EIF2AK3: variants seen among roughly 807,000 people sequenced by gnomAD.
EIF2AK3 encodes eukaryotic translation initiation factor 2 alpha kinase 3.
Under a neutral mutation model 113.5 loss-of-function variants are expected in EIF2AK3, and 50 were observed. That is an observed-to-expected ratio of 0.44 (90% CI 0.35 to 0.56). The LOEUF is 0.56. Ranked by LOEUF, EIF2AK3 falls within the 20% of genes least tolerant of loss-of-function variation. The pLI is 0.00. For synonymous variants in EIF2AK3, 448 were observed against 495.4 expected, an observed-to-expected ratio of 0.90 and a Z score of 1.27; for missense variants, 1,185 against 1,378.0, an observed-to-expected ratio of 0.86 and a Z score of 2.22.
intron 14 of EIF2AK3, among the ~76,000 whole-genome samples, chr2:88,565,826 C>T (rs946890311): frequency 3.3e-5 from 5 of 151,482 alleles, no homozygotes; most frequent in Non-Finnish European, 7.4e-5. Context: ...ATATTTCATA[C>T]AGTTTTAATT....
intron 9 of EIF2AK3, 103 bp from the exon 10 acceptor site, chr2:88,583,645 G>T: frequency 1.2e-6 from 1 of 822,314 alleles, no homozygotes; most frequent in Non-Finnish European, 2.0e-6. Context: ...TACATAAGTA[G>T]CATCAAGAAA....
At chr2:88,619,565 T>C (rs774329913) in intron 1 of EIF2AK3, among the ~76,000 whole-genome samples, 4 of 152,212 alleles carry the variant, frequency 2.6e-5, no homozygotes, top group African/African-American at 4.8e-5. Context: ...TCCTATTACC[T>C]AACATTTAAA....
At chr2:88,587,374 A>C (rs1435716087) in intron 8 of EIF2AK3, among the ~76,000 whole-genome samples, 1 of 152,084 alleles carries the variant, frequency 6.6e-6, no homozygotes, top group Non-Finnish European at 1.5e-5. Flanking sequence ...CTTCTTAATT[A>C]CACAACTGTT....
Position 88,579,564 on chromosome 2 carries a change from C to CT in EIF2AK3, c.1839dup (p.Val614SerfsTer3). On this transcript the variant is annotated frameshift_variant, in exon 11 of 17. Coordinates refer to ENST00000303236, the MANE Select transcript of EIF2AK3 (RefSeq NM_004836.7). LOFTEE classifies it high-confidence loss of function. ...TTGATAGCATAATTGCAGTCATCTACTTTGTTTTTAGCTTCAAAAACAACT... is the reference window on the plus strand; with the variant it reads ...TTGATAGCATAATTGCAGTCATCTACTTTTGTTTTTAGCTTCAAAAACAACT... 1 of 1,613,842 alleles carries CT rather than the reference C, an allele frequency of 6.2e-7. No homozygotes were observed. Among genetic ancestry groups the CT allele is most frequent in the Non-Finnish European group, 8.5e-7 (1 of 1,179,834 alleles).
intron 16 of EIF2AK3, 71 bp from the exon 17 acceptor site, chr2:88,558,007 C>T (rs1317811244): frequency 2.1e-6 from 3 of 1,450,050 alleles, no homozygotes; most frequent in Non-Finnish European, 2.9e-6. Flanking sequence ...AAAATCAGTG[C>T]TGGCAAAATA....
At chr2:88,597,857 A>C (rs1252254638) in intron 2 of EIF2AK3, among the ~76,000 whole-genome samples, 1 of 152,192 alleles carries the variant, frequency 6.6e-6, no homozygotes, top group Non-Finnish European at 1.5e-5. Context: ...AATACTTACC[A>C]GGTCAGCTAA....
chr2:88,589,787 G>A lies in EIF2AK3; in HGVS notation c.1165+656C>T, dbSNP rs1209928417. Among the ~76,000 whole-genome samples, 10 of 151,990 alleles carry A rather than the reference G, an allele frequency of 6.6e-5. No individual in the cohort carries two copies. In the East Asian group the frequency reaches 1.7e-3, roughly 26 times the overall value. ...TAGGCTCTAACTCCTGGGGTCAAGC[G>A]ATCCTCCCATCTCAGCCTCTGGAGT... On this transcript the variant is annotated intron_variant, in intron 6 of 16. Coordinates refer to ENST00000303236, the MANE Select transcript of EIF2AK3 (RefSeq NM_004836.7).
At position 88,579,451 on chromosome 2, in the gene EIF2AK3, A is replaced by G. The variant is rs186898538; in HGVS notation, c.1886+67T>C. 233 of 1,594,400 alleles carry G rather than the reference A, an allele frequency of 1.5e-4. 1 individual carries two copies. The African/African-American group carries it at 2.8e-3, about 19-fold the overall frequency. ...GTGTTTACAGAGTACAGTAAGAAGG[A>G]TATTTTACCCATGAGATTAGATCAC... On this transcript the variant is annotated intron_variant, in intron 11 of 16. Transcript: ENST00000303236.
chr2:88,585,182 ATGTG>A (rs1674689460), intron 9 of EIF2AK3, among the ~76,000 whole-genome samples: 1 of 152,128 alleles, frequency 6.6e-6, no homozygotes, highest in African/African-American at 2.4e-5. Context: ...AAGAAGAAAA[ATGTG>A]AAGATATCTA....
rs1673816326 is a variant in EIF2AK3, at chr2:88,557,653, A to T, written c.*83T>A. The T allele has an allele frequency of 1.4e-6, 2 of 1,471,064 alleles. No individual in the cohort carries two copies. The highest frequency in any genetic ancestry group is 4.5e-5 in the East Asian group (2 of 44,124). 91.1% of individuals were successfully genotyped at this position (1,471,064 alleles called of 1,614,324 possible). On this transcript the variant is annotated 3_prime_UTR_variant, in exon 17 of 17. Transcript: ENST00000303236. ...AAATTGAGCGAAGAACAAACTTTTC[A>T]AGTCTGCAATTTTGGACAGGCATAT... is the stretch of plus-strand genomic sequence containing the variant.
Position 88,590,508 on chromosome 2 carries a change from ACAT to A in EIF2AK3, c.1097_1099del (p.Asp366del), listed in dbSNP as rs747505731. 2.1e-5 allele frequency: 34 copies of A among 1,613,798 alleles called. No individual in the cohort carries two copies. The African/African-American group carries it at 3.2e-4, about 15-fold the overall frequency. On this transcript the variant is annotated inframe_deletion, in exon 6 of 17. Transcript: ENST00000303236. ...TACAATGTCTTCTTCATCTTCTAAA[ACAT>A]CATCATTAGATGTATAACTTGTATC...
chr2:88,589,022 G>A, intron 6 of EIF2AK3, 121 bp from the exon 7 acceptor site: 1 of 1,195,136 alleles, frequency 8.4e-7, no homozygotes, highest in Non-Finnish European at 1.2e-6. Context: ...TGTCAAAGAA[G>A]AAACATGCTT....
Position 88,557,612 on chromosome 2 carries a change from A to T in EIF2AK3, c.*124T>A. 1 of 1,056,664 alleles carries T rather than the reference A, an allele frequency of 9.5e-7. No individual in the cohort carries two copies. Among genetic ancestry groups the T allele is most frequent in the South Asian group, 1.3e-5 (1 of 77,808 alleles). 65.5% of individuals were successfully genotyped at this position (1,056,664 alleles called of 1,614,324 possible). A position where few individuals can be genotyped will look rare whatever the true frequency, so the allele number is the denominator to read the frequency against. ...AATCCAGCTTAAATTTGATATAAAA[A>T]AAGTAGTCCACAAAAAAATTGAGCG... On this transcript the variant is annotated 3_prime_UTR_variant, in exon 17 of 17. Transcript: ENST00000303236.
At position 88,574,780 on chromosome 2, in the gene EIF2AK3, A is replaced by C; in HGVS notation, c.2703T>G (p.Asn901Lys). Residue 901 changes from asparagine to lysine, a missense_variant, in exon 13 of 17, where the codon AAT (asparagine) becomes AAG (lysine). Physicochemically the swap from Asn to Lys is moderately conservative, Grantham distance 94 (BLOSUM62 0). Coordinates refer to ENST00000303236, the MANE Select transcript of EIF2AK3 (RefSeq NM_004836.7). Reference sequence around the variant, plus strand: ...CTCTCTCCTCTATGGTACATCGTCCATTCATCCAGTCTTTGAGGTTTTCTT... The same window carrying C: ...CTCTCTCCTCTATGGTACATCGTCCCTTCATCCAGTCTTTGAGGTTTTCTT... The part of the protein sequence containing the change: ...CRKENLKDWM[N>K]GRCTIEERER... 4.3e-6 allele frequency: 7 copies of C among 1,614,202 alleles called. No individual in the cohort carries two copies.
intron 1 of EIF2AK3, among the ~76,000 whole-genome samples, chr2:88,616,019 C>T (rs1204368344): frequency 6.6e-6 from 1 of 151,302 alleles, no homozygotes; most frequent in Non-Finnish European, 1.5e-5. Context: ...CAGGTCACCA[C>T]GCTCTTTTTT....
intron 10 of EIF2AK3, among the ~76,000 whole-genome samples, chr2:88,580,550 G>C (rs1219594253): frequency 1.3e-5 from 2 of 152,056 alleles, no homozygotes; most frequent in Non-Finnish European, 2.9e-5. Flanking sequence ...TGTATTTTGG[G>C]GGCCATGAAT....
chr2:88,577,596 C>G (rs925302719), intron 11 of EIF2AK3, among the ~76,000 whole-genome samples: 3 of 151,862 alleles, frequency 2.0e-5, no homozygotes, highest in African/African-American at 7.3e-5. Context: ...TCAGGCTGGT[C>G]TCGAACTCCT....
chr2:88,578,206 G>C (rs1160965514), intron 11 of EIF2AK3, among the ~76,000 whole-genome samples: 3 of 152,126 alleles, frequency 2.0e-5, no homozygotes, highest in Non-Finnish European at 4.4e-5. Flanking sequence ...AAAAAGCTGT[G>C]ACTACCAGAT....
chr2:88,579,668 G>A (rs1226547995), intron 10 of EIF2AK3, 28 bp from the exon 11 acceptor site: 4 of 1,602,244 alleles, frequency 2.5e-6, no homozygotes, highest in South Asian at 1.1e-5. Context: ...ATTTATAAAG[G>A]TTTGCAACAG....
Sources: allele counts gnomAD v4.1 joint callset (sites outside exome capture counted in the v4.1 genomes callset), GRCh38; gene constraint gnomAD v4.1.1; transcripts MANE v1.5; gene names NCBI Gene and HGNC (gene_info 2026-07-23, HGNC 2026-07-21).